The following HNRNPF variants were observed in gnomAD, a reference collection of about 807,000 sequenced individuals.
HNRNPF encodes HnRNP F protein.
A neutral mutation model predicts 26.0 loss-of-function variants in HNRNPF; 2 were observed. The ratio of observed to expected loss-of-function variants is 0.08; its 90% CI spans 0.03 to 0.24. The LOEUF (loss-of-function observed/expected upper bound fraction) is 0.24, where lower values mean the gene tolerates loss of function less well. Among genes scored for constraint, HNRNPF ranks in the 10% least tolerant of loss-of-function variants. The pLI, the probability that HNRNPF is intolerant of heterozygous loss-of-function variation, is 1.00. For missense variants in HNRNPF, 299 were observed against 539.2 expected (o/e 0.55, Z 4.41); for synonymous variants, 234 against 211.5 (o/e 1.11, Z -0.92).
chr10:43,404,283 AGAGT>A (rs1400411683), intron 1 of HNRNPF, among the ~76,000 whole-genome samples: 2 of 147,212 alleles, frequency 1.4e-5, no homozygotes, highest in East Asian at 2.0e-4. Context: ...CCTGGGTGAC[AGAGT>A]GAGAATCCGT....
chr10:43,396,242 A>G (rs901070897), intron 2 of HNRNPF, among the ~76,000 whole-genome samples: 1 of 152,176 alleles, frequency 6.6e-6, no homozygotes, highest in Admixed American at 6.5e-5. Flanking sequence ...TTCAAGCACC[A>G]CCCACCTCGT....
At chr10:43,394,275 AC>A (rs1301730212) in intron 3 of HNRNPF, among the ~76,000 whole-genome samples, 1 of 152,250 alleles carries the variant, frequency 6.6e-6, no homozygotes, top group African/African-American at 2.4e-5. Context: ...TAGAAGAATT[AC>A]TTAAAATGCC....
intron 3 of HNRNPF, among the ~76,000 whole-genome samples, chr10:43,388,255 C>A (rs1475655214): frequency 6.6e-6 from 1 of 152,186 alleles, no homozygotes; most frequent in Non-Finnish European, 1.5e-5. Flanking sequence ...GGCAGTTCAC[C>A]TATAAGAGCT....
chr10:43,394,673 A>G lies in HNRNPF; in HGVS notation c.-96T>C, dbSNP rs1564395814. 6.6e-6 allele frequency: 1 copy of G among 152,068 alleles called. No homozygotes were observed. Among genetic ancestry groups the G allele is most frequent in the Non-Finnish European group, 1.5e-5 (1 of 68,014 alleles). The allele number at this position is 152,068 out of a possible 1,614,324, so 9.4% of individuals were successfully genotyped here. ...TGCCTTCAGTGGGAGACACTTCTGG[A>G]TGGTAATGAAATGTCCTAAAAAAAA... On this transcript the variant is annotated 5_prime_UTR_variant, in exon 3 of 4. Coordinates refer to ENST00000682386, the MANE Select transcript of HNRNPF (RefSeq NM_001098204.2).
chr10:43,391,747 T>TA (rs1313648842), intron 3 of HNRNPF, among the ~76,000 whole-genome samples: 1 of 152,192 alleles, frequency 6.6e-6, no homozygotes, highest in African/African-American at 2.4e-5. Flanking sequence ...CAACCTCACA[T>TA]ACCCCGGAGC....
intron 3 of HNRNPF, among the ~76,000 whole-genome samples, chr10:43,393,574 C>A (rs150020856): frequency 1.3e-4 from 20 of 149,930 alleles, no homozygotes; most frequent in African/African-American, 5.0e-4. Flanking sequence ...CCAGCCTAGG[C>A]AACAGGAGCA....
At chr10:43,400,891 G>GTCGAGACCATCC (rs61678752) in intron 1 of HNRNPF, among the ~76,000 whole-genome samples, 1 of 151,828 alleles carries the variant, frequency 6.6e-6, no homozygotes, top group African/African-American at 2.4e-5. Flanking sequence ...AGGTCAGGAG[G>GTCGAGACCATCC]GCTAATACGG....
chr10:43,396,226 G>A (rs1386809958), intron 2 of HNRNPF, among the ~76,000 whole-genome samples: 2 of 152,230 alleles, frequency 1.3e-5, no homozygotes, highest in Non-Finnish European at 2.9e-5. Flanking sequence ...AGAGTAAACA[G>A]GGCCGTTCAA....
intron 1 of HNRNPF, among the ~76,000 whole-genome samples, chr10:43,402,885 T>A (rs575440458): frequency 1.4e-5 from 2 of 144,192 alleles, no homozygotes; most frequent in Admixed American, 6.8e-5. Flanking sequence ...CTTTTCTTAA[T>A]TATGATGGCT....
rs1174611761 is a variant in HNRNPF, at chr10:43,387,680, T to C, written c.205A>G (p.Met69Val). Residue 69 changes from methionine to valine, a missense_variant, in exon 4 of 4, where the codon ATG becomes GTG. This residue lies in a region of HNRNPF where 104 missense variants were observed against 239.0 expected (regional missense o/e 0.44). Coordinates refer to ENST00000682386, the MANE Select transcript of HNRNPF (RefSeq NM_001098204.2). The surrounding 1 kb of genome is among the most constrained non-coding windows in gnomAD (Gnocchi z 6.0). ...CTTTCCCTGTCTTTTTTCAGGGCCA[T>C]TTTTACATCATCTTCTGATCCAAGT... ...VELGSEDDVK[M>V]ALKKDRESMG... 5.0e-6 allele frequency: 8 copies of C among 1,614,026 alleles called. No homozygotes were observed. Among genetic ancestry groups the C allele is most frequent in the African/African-American group, 2.7e-5 (2 of 74,918 alleles).
At chr10:43,395,607 G>A (rs1838457015) in intron 2 of HNRNPF, among the ~76,000 whole-genome samples, 1 of 152,166 alleles carries the variant, frequency 6.6e-6, no homozygotes, top group Non-Finnish European at 1.5e-5. Flanking sequence ...CAAATGGAAA[G>A]CATTACATTT....
intron 1 of HNRNPF, among the ~76,000 whole-genome samples, chr10:43,400,963 TC>T (rs1838736246): frequency 6.6e-6 from 1 of 152,062 alleles, no homozygotes; most frequent in African/African-American, 2.4e-5. Context: ...GCACCTGTAG[TC>T]CCAGCTACTC....
chr10:43,404,325 AAAAC>A (rs1375559299), intron 1 of HNRNPF, among the ~76,000 whole-genome samples: 1 of 151,834 alleles, frequency 6.6e-6, no homozygotes, highest in Admixed American at 6.6e-5. Flanking sequence ...AAGGAAAACA[AAAAC>A]AAAAGTACAT....
At chr10:43,391,316 G>A (rs1838236505) in intron 3 of HNRNPF, among the ~76,000 whole-genome samples, 1 of 151,290 alleles carries the variant, frequency 6.6e-6, no homozygotes, top group South Asian at 2.1e-4. Context: ...AAATTACCTG[G>A]ACGTGGTGGT....
At chr10:43,406,510 C>T (rs1014014962) in intron 1 of HNRNPF, among the ~76,000 whole-genome samples, 6 of 152,084 alleles carry the variant, frequency 3.9e-5, no homozygotes, top group Non-Finnish European at 7.4e-5. Flanking sequence ...ATCTGGGCAA[C>T]ATAAGGAGAC....
intron 1 of HNRNPF, chr10:43,397,222 G>C (rs1020739342): frequency 3.3e-5 from 5 of 152,204 alleles, no homozygotes; most frequent in Non-Finnish European, 7.3e-5. Context: ...GAGGAGGCGC[G>C]GGGTCCGGAG....
intron 1 of HNRNPF, among the ~76,000 whole-genome samples, chr10:43,398,542 C>A (rs1288186998): frequency 8.6e-5 from 13 of 151,882 alleles, no homozygotes. Flanking sequence ...AGGGTTTCAC[C>A]ATGTTGGTCA....
chr10:43,407,305 G>A (rs992422718), intron 1 of HNRNPF, among the ~76,000 whole-genome samples: 3 of 151,748 alleles, frequency 2.0e-5, no homozygotes, highest in Non-Finnish European at 4.4e-5. Context: ...TGGCCGGCCC[G>A]AGCCCCCAGC....
At chr10:43,407,975 G>C (rs984171300) in intron 1 of HNRNPF, among the ~76,000 whole-genome samples, 2 of 152,186 alleles carry the variant, frequency 1.3e-5, no homozygotes, top group Non-Finnish European at 2.9e-5. Flanking sequence ...CGCCCGGCTG[G>C]AATGCAGTGG....
Sources: allele counts gnomAD v4.1 joint callset (sites outside exome capture counted in the v4.1 genomes callset), GRCh38; gene constraint gnomAD v4.1.1; regional missense constraint gnomAD v4.1.1; non-coding constraint Gnocchi (gnomAD v3.1); transcripts MANE v1.5; gene names NCBI Gene and HGNC (gene_info 2026-07-23, HGNC 2026-07-21).